ASB6: variants seen among roughly 807,000 people sequenced by gnomAD.
ASB6 encodes ankyrin repeat and SOCS box containing 6.
A neutral mutation model predicts 28.6 loss-of-function variants in ASB6; 24 were observed. The observed-to-expected ratio is 0.84, with a 90% CI of 0.61 to 1.18. The LOEUF (loss-of-function observed/expected upper bound fraction) is 1.18, where lower values mean the gene tolerates loss of function less well. Among genes scored for constraint, ASB6 ranks in the 50% most tolerant of loss-of-function variants. The pLI is 0.00. For synonymous variants in ASB6, 267 were observed against 243.4 expected, an observed-to-expected ratio of 1.10 and a Z score of -0.90; for missense variants, 519 against 559.8, an observed-to-expected ratio of 0.93 and a Z score of 0.74.
rs756379197 is a variant in ASB6 at position 129,638,526 on chromosome 9, C to T, written c.598+47G>A. ...ACCCTGGCAAAGCAACAGCACACAT[C>T]GAAGGGGCGGGTGAGAGGACGAGGC... On this transcript the variant is annotated intron_variant, in intron 5 of 5. Coordinates refer to ENST00000277458, the MANE Select transcript of ASB6 (RefSeq NM_017873.4). 11 of 1,611,258 alleles carry T rather than the reference C, an allele frequency of 6.8e-6. No homozygotes were observed. The South Asian group carries it at 8.8e-5, about 13-fold the overall frequency.
intron 4 of ASB6, among the ~76,000 whole-genome samples, 187 bp from the exon 5 acceptor site, chr9:129,638,846 G>A (rs1430816777): frequency 6.6e-6 from 1 of 152,200 alleles, no homozygotes. Context: ...CAGAGAAGTG[G>A]GAGCGGAAAG....
At chr9:129,640,830 C>T (rs575235973) in intron 1 of ASB6, 108 bp from the exon 2 acceptor site, 172 of 1,365,680 alleles carry the variant, frequency 1.3e-4, no homozygotes, top group Middle Eastern at 7.2e-4. Context: ...CAAGCAGGGC[C>T]CTGGCTCTGT....
rs773638988 is a variant in ASB6, at chr9:129,641,946, C to A, written c.54G>T (p.Val18=). Reference sequence around the variant, plus strand: ...TCCCCAGGGAGCCCAGAATCGCATCCACCAGCGGCTGGTACTCGAAGATGA... The same window carrying A: ...TCCCCAGGGAGCCCAGAATCGCATCAACCAGCGGCTGGTACTCGAAGATGA... ...RRIIFEYQPL[V]DAILGSLGIQ... is the part of the protein sequence containing the mutation. The change falls in exon 1 of 6, where the codon GTG becomes GTT. Residue 18 remains valine (V), a synonymous_variant. Transcript: ENST00000277458. The A allele has an allele frequency of 7.5e-6, 12 of 1,602,466 alleles. No homozygotes were observed. The East Asian group carries it at 2.8e-4, about 37-fold the overall frequency.
chr9:129,634,960 T>C lies in ASB6; in HGVS notation c.*2830A>G, dbSNP rs3088095. ...TGGTGTGTAGGTATCAGGCAGGACT[T>C]GTAAGCCATCCCGTCAAGTCAAATT... On this transcript the variant is annotated 3_prime_UTR_variant, in exon 6 of 6. Transcript: ENST00000277458. 0.17 allele frequency: 87,929 copies of C among 523,428 alleles called. 8,343 individuals are homozygous for C. The highest frequency in any genetic ancestry group is 0.3 in the African/African-American group (15,885 of 52,284). The allele number at this position is 523,428 out of a possible 1,614,324, so 32.4% of individuals were successfully genotyped here.
chr9:129,634,741 G>C lies in ASB6; in HGVS notation c.*3049C>G. 4.5e-6 allele frequency: 1 copy of C among 220,774 alleles called. No homozygotes were observed. Among genetic ancestry groups the C allele is most frequent in the Non-Finnish European group, 9.0e-6 (1 of 111,082 alleles). The allele number at this position is 220,774 out of a possible 1,614,324, so 13.7% of individuals were successfully genotyped here. A position where few individuals can be genotyped will look rare whatever the true frequency, so the allele number is the denominator to read the frequency against. On this transcript the variant is annotated 3_prime_UTR_variant, in exon 6 of 6. Transcript: ENST00000277458. The stretch of plus-strand genomic sequence containing the variant: ...ACGTGGCGGCAGGCCGCTAGCAGCA[G>C]TCGGCCACCTCCTGAGGCGGGCAGC...
rs964611906 is a variant in ASB6 at position 129,634,760 on chromosome 9, G to A, written c.*3030C>T. 4 of 222,216 alleles carry A rather than the reference G, an allele frequency of 1.8e-5. No individual in the cohort carries two copies. The highest frequency in any genetic ancestry group is 2.7e-5 in the Non-Finnish European group (3 of 111,946). 13.8% of individuals were successfully genotyped at this position (222,216 alleles called of 1,614,324 possible). On this transcript the variant is annotated 3_prime_UTR_variant, in exon 6 of 6. Coordinates refer to ENST00000277458, the MANE Select transcript of ASB6 (RefSeq NM_017873.4). ...GCAGCAGTCGGCCACCTCCTGAGGC[G>A]GGCAGCACAGGCCTGCTGTGGACAC...
Position 129,635,355 on chromosome 9 carries a change from A to G in ASB6, c.*2435T>C, listed in dbSNP as rs769308190. ...GACAGCAGCGTGTGCCGGGACCTTG[A>G]CGTGGTCCGCAGGATCATCTGCAGT... On this transcript the variant is annotated 3_prime_UTR_variant, in exon 6 of 6. Coordinates refer to ENST00000277458, the MANE Select transcript of ASB6 (RefSeq NM_017873.4). 1.2e-6 allele frequency: 2 copies of G among 1,613,782 alleles called. No homozygotes were observed. The highest frequency in any genetic ancestry group is 2.2e-5 in the South Asian group (2 of 91,078).
At chr9:129,640,368 G>A (rs1283266446) in intron 2 of ASB6, 173 bp downstream of exon 2, 3 of 831,806 alleles carry the variant, frequency 3.6e-6, no homozygotes, top group South Asian at 2.1e-5. Context: ...GTGAAAACCC[G>A]CAGGGGGTGG....
chr9:129,641,892 C>T lies in ASB6; in HGVS notation c.108G>A (p.Leu36=). Residue 36 remains leucine (L), a synonymous_variant, in exon 1 of 6, where the codon CTG becomes CTA. Transcript: ENST00000277458. The stretch of plus-strand genomic sequence containing the variant: ...CACGGGAGGGGGTGAGTTACCGGTC[C>T]AGAGACTCCTGCCGCTCGGGGTCCT... ...GIQDPERQES[L]DRPSYVASEE... is the part of the protein sequence containing the mutation. 1 of 1,596,702 alleles carries T rather than the reference C, an allele frequency of 6.3e-7. No homozygotes were observed. The highest frequency in any genetic ancestry group is 8.5e-7 in the Non-Finnish European group (1 of 1,172,726).
rs779927342 is a variant in ASB6 at position 129,639,518 on chromosome 9, C to G, written c.296-10G>C. On this transcript the variant is annotated splice_polypyrimidine_tract_variant and intron_variant, in intron 2 of 5. Coordinates refer to ENST00000277458, the MANE Select transcript of ASB6 (RefSeq NM_017873.4). ...TAGTAGGTGACTGGGTCTGAAGGTGCAGACACAGCTCATGTGGGTCCTATC... is the reference window on the plus strand; with the variant it reads ...TAGTAGGTGACTGGGTCTGAAGGTGGAGACACAGCTCATGTGGGTCCTATC... The G allele has an allele frequency of 6.2e-7, 1 of 1,607,754 alleles. No homozygotes were observed. Among genetic ancestry groups the G allele is most frequent in the Admixed American group, 1.7e-5 (1 of 59,740 alleles).
rs777930149 is a variant in ASB6, at chr9:129,640,533, T to C, written c.295+8A>G. Reference sequence around the variant, plus strand: ...AGCCACCTGCCCACCCCCGGGGCTCTCGCTGACCTTCAAAGTTGAGATTGG... The same window carrying C: ...AGCCACCTGCCCACCCCCGGGGCTCCCGCTGACCTTCAAAGTTGAGATTGG... On this transcript the variant is annotated splice_region_variant and intron_variant, in intron 2 of 5. Transcript: ENST00000277458. 3 of 1,603,230 alleles carry C rather than the reference T, an allele frequency of 1.9e-6. No individual in the cohort carries two copies. The highest frequency in any genetic ancestry group is 2.6e-6 in the Non-Finnish European group (3 of 1,175,818).
intron 1 of ASB6, 95 bp from the exon 2 acceptor site, chr9:129,640,817 C>T (rs2088177964): frequency 6.2e-6 from 9 of 1,448,704 alleles, no homozygotes; most frequent in Non-Finnish European, 7.6e-6. Flanking sequence ...CTATCATCAT[C>T]AGCAAGCAGG....
chr9:129,638,066 C>A lies in ASB6; in HGVS notation c.990G>T (p.Leu330=), dbSNP rs774562163. 1 of 1,614,194 alleles carries A rather than the reference C, an allele frequency of 6.2e-7. No individual in the cohort carries two copies. The highest frequency in any genetic ancestry group is 8.5e-7 in the Non-Finnish European group (1 of 1,180,048). The change falls in exon 6 of 6, where the codon CTG becomes CTT. Residue 330 remains leucine (L), a synonymous_variant. Transcript: ENST00000277458. The part of the protein sequence containing the change: ...ADLLRKAETV[L]DLMVTNSQKL... ...TCTGAGAGTTGGTCACCATGAGATC[C>A]AGGACAGTCTCAGCTTTGCGCAGGA...
intron 1 of ASB6, 102 bp from the exon 2 acceptor site, chr9:129,640,824 C>G (rs757234872): frequency 7.8e-6 from 11 of 1,412,012 alleles, no homozygotes; most frequent in Non-Finnish European, 1.1e-5. Context: ...CATCAGCAAG[C>G]AGGGCCCTGG....
chr9:129,641,916 C>T lies in ASB6; in HGVS notation c.84G>A (p.Gln28=). The change falls in exon 1 of 6, where the codon CAG becomes CAA. Residue 28 remains glutamine (Q), a synonymous_variant. Coordinates refer to ENST00000277458, the MANE Select transcript of ASB6 (RefSeq NM_017873.4). ...CCAGAGACTCCTGCCGCTCGGGGTC[C>T]TGGATCCCCAGGGAGCCCAGAATCG... ...VDAILGSLGI[Q]DPERQESLDR... 1 of 1,601,902 alleles carries T rather than the reference C, an allele frequency of 6.2e-7. No homozygotes were observed. The highest frequency in any genetic ancestry group is 8.5e-7 in the Non-Finnish European group (1 of 1,175,222).
chr9:129,640,330 C>G, intron 2 of ASB6: 1 of 581,536 alleles, frequency 1.7e-6, no homozygotes, highest in Non-Finnish European at 2.8e-6. Flanking sequence ...GCAACACTCG[C>G]TCTTGGAACA....
At position 129,637,905 on chromosome 9, in the gene ASB6, C is replaced by T. The variant is rs199686158; in HGVS notation, c.1151G>A (p.Arg384Gln). 200 of 1,580,740 alleles carry T rather than the reference C, an allele frequency of 1.3e-4. No individual in the cohort carries two copies. Among genetic ancestry groups the T allele is most frequent in the Non-Finnish European group, 1.6e-4 (185 of 1,163,052 alleles). ...CACAGGCCACGGCTGAAGGTAGAGCCGGATGGCCACACGGCACAGGTGCTT... is the reference window on the plus strand; with the variant it reads ...CACAGGCCACGGCTGAAGGTAGAGCTGGATGGCCACACGGCACAGGTGCTT... ...PLKHLCRVAI[R>Q]LYLQPWPVDV... Residue 384 changes from arginine (R) to glutamine (Q), a missense_variant, in exon 6 of 6, where the codon CGG becomes CAG. Arg to Gln is a conservative substitution (Grantham distance 43). Transcript: ENST00000277458.
rs555115473 is a variant in ASB6, at chr9:129,635,332, C to T, written c.*2458G>A. On this transcript the variant is annotated 3_prime_UTR_variant, in exon 6 of 6. Coordinates refer to ENST00000277458, the MANE Select transcript of ASB6 (RefSeq NM_017873.4). ...AGGGCGTGATTCTGGACGACGTGGA[C>T]AGCAGCGTGTGCCGGGACCTTGACG... The T allele has an allele frequency of 6.2e-7, 1 of 1,613,876 alleles. No homozygotes were observed. Among genetic ancestry groups the T allele is most frequent in the East Asian group, 2.2e-5 (1 of 44,876 alleles).
Position 129,639,301 on chromosome 9 carries a change from T to TA in ASB6, c.411_412insT (p.Ser138Ter). The TA allele has an allele frequency of 6.2e-7, 1 of 1,611,622 alleles. No homozygotes were observed. Among genetic ancestry groups the TA allele is most frequent in the Non-Finnish European group, 8.5e-7 (1 of 1,178,322 alleles). On this transcript the variant is annotated frameshift_variant, in exon 4 of 6. Coordinates refer to ENST00000277458, the MANE Select transcript of ASB6 (RefSeq NM_017873.4). LOFTEE classifies it high-confidence loss of function. ...TCGCTGGCCAGGTCCAAGGGGCTAC[T>TA]CTCGTGGATCTGAGCCAAGGAAGCA...
Sources: allele counts gnomAD v4.1 joint callset (sites outside exome capture counted in the v4.1 genomes callset), GRCh38; gene constraint gnomAD v4.1.1; transcripts MANE v1.5; gene names NCBI Gene and HGNC (gene_info 2026-07-23, HGNC 2026-07-21).